The following CPNE4 variants were observed in gnomAD, a reference collection of about 807,000 sequenced individuals.
The protein encoded by CPNE4 is copine-4.
Under a neutral mutation model 67.9 loss-of-function variants are expected in CPNE4, and 25 were observed. The observed-to-expected ratio is 0.37, with a 90% CI of 0.27 to 0.51. CPNE4 has a LOEUF of 0.51. Ranked by LOEUF, CPNE4 falls within the 20% of genes least tolerant of loss-of-function variation. CPNE4 has a pLI of 0.93. For missense variants in CPNE4, 464 were observed against 690.8 expected (o/e 0.67, Z 3.68); for synonymous variants, 242 against 244.9 (o/e 0.99, Z 0.11).
chr3:131,843,170 C>G (rs1427697222), intron 2 of CPNE4, among the ~76,000 whole-genome samples: 1 of 152,174 alleles, frequency 6.6e-6, no homozygotes, highest in Non-Finnish European at 1.5e-5. Flanking sequence ...AGTCTTATCC[C>G]TATTACTCCT....
chr3:131,755,464 T>A (rs2082730629), intron 2 of CPNE4, among the ~76,000 whole-genome samples: 1 of 152,222 alleles, frequency 6.6e-6, no homozygotes, highest in Admixed American at 6.5e-5. Flanking sequence ...CTGCTACCAC[T>A]GACTTTACTT....
At chr3:131,986,102 A>T (rs932199044) in intron 1 of CPNE4, among the ~76,000 whole-genome samples, 2 of 152,258 alleles carry the variant, frequency 1.3e-5, no homozygotes, top group African/African-American at 4.8e-5. Flanking sequence ...AGGAAAAGTC[A>T]TCGCTTGAGA....
chr3:131,701,133 T>C (rs2081290223), intron 3 of CPNE4, among the ~76,000 whole-genome samples: 1 of 148,894 alleles, frequency 6.7e-6, no homozygotes, highest in Non-Finnish European at 1.5e-5. Flanking sequence ...TTAGGAGATA[T>C]ACCTAATGTA....
chr3:131,561,317 C>A (rs1936747453), intron 11 of CPNE4, among the ~76,000 whole-genome samples: 5 of 151,732 alleles, frequency 3.3e-5, no homozygotes, highest in Admixed American at 3.3e-4. Flanking sequence ...AGAAGTGCTA[C>A]AACTTGAGCT....
intron 1 of CPNE4, among the ~76,000 whole-genome samples, chr3:132,010,523 A>G (rs2073731959): frequency 6.6e-6 from 1 of 152,114 alleles, no homozygotes; most frequent in Non-Finnish European, 1.5e-5. Context: ...CTCACAGGGC[A>G]CCTAATTGAC....
chr3:132,038,280 G>A (rs1287082009), upstream of CPNE4, among the ~76,000 whole-genome samples: 1 of 152,110 alleles, frequency 6.6e-6, no homozygotes, highest in Non-Finnish European at 1.5e-5. Flanking sequence ...AGAGTCAAGG[G>A]AAAATGAACA....
At chr3:131,651,475 G>C (rs902955224) in intron 7 of CPNE4, among the ~76,000 whole-genome samples, 7 of 152,120 alleles carry the variant, frequency 4.6e-5, no homozygotes, top group African/African-American at 1.7e-4. Context: ...AAGATCAATT[G>C]AACCTGTTTC....
intron 8 of CPNE4, among the ~76,000 whole-genome samples, chr3:131,585,411 A>G (rs2107697888): frequency 6.6e-6 from 1 of 152,258 alleles, no homozygotes; most frequent in Admixed American, 6.5e-5. Flanking sequence ...TTCCCACTGT[A>G]TAACTACACC....
At chr3:131,876,448 C>G (rs1290283742) in intron 2 of CPNE4, among the ~76,000 whole-genome samples, 1 of 151,350 alleles carries the variant, frequency 6.6e-6, no homozygotes, top group Non-Finnish European at 1.5e-5. Context: ...CGAGACCATC[C>G]TGGCTAACAC....
intron 2 of CPNE4, among the ~76,000 whole-genome samples, chr3:131,868,989 A>C (rs1697633685): frequency 1.3e-5 from 2 of 152,208 alleles, no homozygotes; most frequent in East Asian, 1.9e-4. Flanking sequence ...AATGTTAGGC[A>C]AATGATCAAA....
At chr3:131,864,950 A>C (rs946042708) in intron 2 of CPNE4, among the ~76,000 whole-genome samples, 1 of 150,948 alleles carries the variant, frequency 6.6e-6, no homozygotes, top group Non-Finnish European at 1.5e-5. Flanking sequence ...CCTTTTCTGC[A>C]TCTATTGAGA....
At chr3:131,770,743 C>T (rs1365140580) in intron 2 of CPNE4, among the ~76,000 whole-genome samples, 2 of 152,314 alleles carry the variant, frequency 1.3e-5, no homozygotes, top group Middle Eastern at 3.4e-3. Context: ...ACCTAAGGTC[C>T]AGTTTATACT....
intron 8 of CPNE4, among the ~76,000 whole-genome samples, chr3:131,585,278 C>T (rs1320617358): frequency 6.6e-6 from 1 of 152,178 alleles, no homozygotes; most frequent in Non-Finnish European, 1.5e-5. Flanking sequence ...AATCTGTAAG[C>T]TTCAGAAGGG....
intron 2 of CPNE4, among the ~76,000 whole-genome samples, chr3:131,773,285 A>T (rs879269925): frequency 4.6e-5 from 7 of 152,208 alleles, no homozygotes; most frequent in Non-Finnish European, 1.0e-4. Context: ...ATTTTAATAA[A>T]TGTACAAATT....
intron 5 of CPNE4, among the ~76,000 whole-genome samples, chr3:131,694,925 G>A (rs1280195730): frequency 1.3e-5 from 2 of 152,166 alleles, no homozygotes; most frequent in African/African-American, 4.8e-5. Context: ...TCTTCATTTA[G>A]GTTGCTAGAT....
chr3:131,595,889 A>C (rs115416395), intron 7 of CPNE4, among the ~76,000 whole-genome samples: 1 of 152,212 alleles, frequency 6.6e-6, no homozygotes, highest in Non-Finnish European at 1.5e-5. Context: ...CAGTCATAGA[A>C]GGACAAATAC....
At chr3:131,966,715 T>C (rs1351449896) in intron 1 of CPNE4, among the ~76,000 whole-genome samples, 1 of 152,152 alleles carries the variant, frequency 6.6e-6, no homozygotes, top group Non-Finnish European at 1.5e-5. Context: ...AGTTCTGAAA[T>C]TGAGGCAGTA....
intron 2 of CPNE4, among the ~76,000 whole-genome samples, chr3:131,863,976 T>C (rs2086812028): frequency 6.6e-6 from 1 of 152,238 alleles, no homozygotes; most frequent in Non-Finnish European, 1.5e-5. Context: ...CTTTCCTCAT[T>C]TCTTGTTTTT....
chr3:131,648,538 A>G (rs1002169274), intron 7 of CPNE4, among the ~76,000 whole-genome samples: 14 of 152,388 alleles, frequency 9.2e-5, no homozygotes, highest in African/African-American at 3.4e-4. Context: ...AGATTTATAT[A>G]TGACTGAAAG....
Sources: allele counts gnomAD v4.1 joint callset (sites outside exome capture counted in the v4.1 genomes callset), GRCh38; gene constraint gnomAD v4.1.1; transcripts MANE v1.5; gene names NCBI Gene and HGNC (gene_info 2026-07-23, HGNC 2026-07-21).